Variants in RASAL2 observed in about 807,000 individuals in gnomAD.
The protein encoded by RASAL2 is RAS protein activator like 2.
RASAL2 carries 58 observed loss-of-function variants against 128.9 expected under a neutral mutation model. The ratio of observed to expected loss-of-function variants is 0.45; its 90% confidence interval spans 0.36 to 0.56. The LOEUF (loss-of-function observed/expected upper bound fraction) is 0.56, where lower values mean the gene tolerates loss of function less well. RASAL2 is among the 20% of genes least tolerant of loss of function. The pLI is 0.00. For missense variants in RASAL2, 1,360 were observed against 1,601.6 expected (o/e 0.85, Z 2.57); for synonymous variants, 561 against 580.8 (o/e 0.97, Z 0.49).
chr1:178,388,484 G>A (rs1672712260), intron 3 of RASAL2, among the ~76,000 whole-genome samples: 1 of 152,152 alleles, frequency 6.6e-6, no homozygotes, highest in African/African-American at 2.4e-5. Context: ...GGGACTTACA[G>A]TTACTGGTCA....
chr1:178,198,842 C>T (rs1558109726), intron 1 of RASAL2, among the ~76,000 whole-genome samples: 2 of 152,174 alleles, frequency 1.3e-5, no homozygotes, highest in Non-Finnish European at 2.9e-5. Flanking sequence ...AACTACTGCT[C>T]TCTTCAGAGC....
chr1:178,217,209 A>G (rs998780712), intron 1 of RASAL2, among the ~76,000 whole-genome samples: 4 of 152,180 alleles, frequency 2.6e-5, no homozygotes, highest in African/African-American at 9.6e-5. Flanking sequence ...TCCCAACCTC[A>G]GGTGATCTGC....
chr1:178,096,931 G>C (rs1458926051), intron 1 of RASAL2, among the ~76,000 whole-genome samples: 2 of 152,090 alleles, frequency 1.3e-5, no homozygotes, highest in African/African-American at 4.8e-5. Flanking sequence ...GTATGAACAG[G>C]GTGTATGTTT....
intron 4 of RASAL2, among the ~76,000 whole-genome samples, chr1:178,411,390 G>A (rs1277644028): frequency 6.6e-6 from 1 of 152,058 alleles, no homozygotes; most frequent in Non-Finnish European, 1.5e-5. Flanking sequence ...GGACTCTGGG[G>A]ACTTGGGAGG....
At chr1:178,127,240 T>C (rs1256463409) in intron 1 of RASAL2, among the ~76,000 whole-genome samples, 5 of 152,150 alleles carry the variant, frequency 3.3e-5, no homozygotes, top group African/African-American at 1.2e-4. Context: ...CAGTACTTAA[T>C]GATAGTATAT....
intron 3 of RASAL2, among the ~76,000 whole-genome samples, chr1:178,377,435 C>G (rs899510622): frequency 1.3e-5 from 2 of 151,782 alleles, no homozygotes; most frequent in African/African-American, 2.4e-5. Context: ...AAACAAAACT[C>G]GAAATCTAGA....
intron 1 of RASAL2, among the ~76,000 whole-genome samples, chr1:178,151,177 G>A (rs1293027494): frequency 9.2e-5 from 14 of 152,070 alleles, no homozygotes; most frequent in African/African-American, 2.4e-4. Context: ...AGGCCGAGGC[G>A]GGTGGATCAC....
At chr1:178,125,684 TCAAA>T (rs1659869180) in intron 1 of RASAL2, among the ~76,000 whole-genome samples, 1 of 152,200 alleles carries the variant, frequency 6.6e-6, no homozygotes, top group African/African-American at 2.4e-5. Flanking sequence ...GCTGGGACTG[TCAAA>T]CAGATGCAGA....
chr1:178,265,889 C>A (rs1665925601), intron 1 of RASAL2, among the ~76,000 whole-genome samples: 1 of 152,122 alleles, frequency 6.6e-6, no homozygotes, highest in South Asian at 2.1e-4. Flanking sequence ...TCTTTTTTTG[C>A]TCAACGTTAT....
intron 1 of RASAL2, among the ~76,000 whole-genome samples, chr1:178,105,993 T>C (rs183477808): frequency 2.6e-4 from 39 of 152,316 alleles, no homozygotes; most frequent in Admixed American, 4.6e-4. Flanking sequence ...CTTTTTGAAC[T>C]CAGTAAAAAT....
chr1:178,227,096 A>G (rs1287591070), intron 1 of RASAL2, among the ~76,000 whole-genome samples: 1 of 152,126 alleles, frequency 6.6e-6, no homozygotes, highest in Non-Finnish European at 1.5e-5. Flanking sequence ...TTACAGCATT[A>G]CTTGCTGTAC....
chr1:178,369,027 G>C (rs1671559785), intron 3 of RASAL2, among the ~76,000 whole-genome samples: 1 of 152,102 alleles, frequency 6.6e-6, no homozygotes, highest in Non-Finnish European at 1.5e-5. Context: ...TTTCAGGTAA[G>C]TTTCAATGTT....
At chr1:178,131,740 AT>A in intron 1 of RASAL2, among the ~76,000 whole-genome samples, 1 of 152,132 alleles carries the variant, frequency 6.6e-6, no homozygotes, top group South Asian at 2.1e-4. Context: ...AATGATGTTA[AT>A]TTTCTTGAGG....
intron 1 of RASAL2, among the ~76,000 whole-genome samples, chr1:178,135,642 A>G (rs945375572): frequency 1.6e-4 from 24 of 152,174 alleles, no homozygotes; most frequent in African/African-American, 5.8e-4. Flanking sequence ...TTTTACATAT[A>G]CTATTGTATT....
rs143610535 is a variant in RASAL2 at position 178,432,978 on chromosome 1, C to T, written c.675-6444C>T. ...TCCCCTTCTACCACCTAAAGCCTTC[C>T]GATGTACATCTACTGGTATTGTGAT... On this transcript the variant is annotated intron_variant, in intron 5 of 17. Transcript: ENST00000367649. Among the ~76,000 whole-genome samples the T allele has an allele frequency of 2.9e-3, 447 of 152,160 alleles. 1 individual carries two copies. The highest frequency in any genetic ancestry group is 0.01 in the African/African-American group (433 of 41,538).
At position 178,300,063 on chromosome 1, in the gene RASAL2, T is replaced by C; in HGVS notation, c.402T>C (p.Ser134=). 6.2e-7 allele frequency: 1 copy of C among 1,613,984 alleles called. No homozygotes were observed. The highest frequency in any genetic ancestry group is 8.5e-7 in the Non-Finnish European group (1 of 1,179,926). ...GGCGATGCCTGAGGAGAACTGTCAGTGTCCCTTCCGAGGGTCAGTTTCCCG... is the reference window on the plus strand; with the variant it reads ...GGCGATGCCTGAGGAGAACTGTCAGCGTCCCTTCCGAGGGTCAGTTTCCCG... ...TKGRCLRRTV[S]VPSEGQFPEY... is the part of the protein sequence containing the mutation. The change falls in exon 3 of 18, where the codon AGT becomes AGC. Residue 134 remains serine (S), a synonymous_variant. Transcript: ENST00000367649.
chr1:178,256,830 T>G (rs947156544), intron 1 of RASAL2, among the ~76,000 whole-genome samples: 1 of 151,968 alleles, frequency 6.6e-6, no homozygotes, highest in Non-Finnish European at 1.5e-5. Flanking sequence ...TACGCCACCA[T>G]GCCCTGCTAA....
intron 8 of RASAL2, among the ~76,000 whole-genome samples, chr1:178,444,848 A>G (rs922243000): frequency 1.3e-5 from 2 of 152,152 alleles, no homozygotes; most frequent in African/African-American, 2.4e-5. Context: ...GGTGCTGGAG[A>G]TATGGTGGTA....
At chr1:178,191,764 T>C (rs529254103) in intron 1 of RASAL2, among the ~76,000 whole-genome samples, 105 of 152,214 alleles carry the variant, frequency 6.9e-4, no homozygotes, top group African/African-American at 2.5e-3. Context: ...TTAAAGAAAA[T>C]GTAAAAATAG....
Sources: allele counts gnomAD v4.1 joint callset (sites outside exome capture counted in the v4.1 genomes callset), GRCh38; gene constraint gnomAD v4.1.1; transcripts MANE v1.5; gene names NCBI Gene and HGNC (gene_info 2026-07-23, HGNC 2026-07-21).